Variants in FANCL observed in about 807,000 individuals in gnomAD.
The protein encoded by FANCL is E3 ubiquitin-protein ligase FANCL.
A neutral mutation model predicts 59.4 loss-of-function variants in FANCL; 69 were observed. The observed-to-expected ratio is 1.16, with a 90% CI of 0.96 to 1.42. The LOEUF (loss-of-function observed/expected upper bound fraction) is 1.42. Among genes scored for constraint, FANCL ranks in the 40% most tolerant of loss-of-function variants. The pLI, the probability that FANCL is intolerant of heterozygous loss-of-function variation, is 0.00. For missense variants in FANCL, 519 were observed against 447.2 expected, an observed-to-expected ratio of 1.16 and a Z score of -1.45; for synonymous variants, 180 against 147.1, an observed-to-expected ratio of 1.22 and a Z score of -1.62.
intron 5 of FANCL, among the ~76,000 whole-genome samples, chr2:58,221,439 A>G (rs919548321): frequency 2.6e-5 from 4 of 152,140 alleles, no homozygotes; most frequent in Non-Finnish European, 4.4e-5. Flanking sequence ...TCAGTTTTAA[A>G]AAAAAAATCA....
intron 8 of FANCL, 50 bp downstream of exon 8, chr2:58,165,674 A>T (rs1685856994): frequency 6.2e-7 from 1 of 1,605,588 alleles, no homozygotes. Flanking sequence ...TATTTTCATA[A>T]TACAAAATAA....
Position 58,222,028 on chromosome 2 carries a change from C to T in FANCL, c.288G>A (p.Lys96=). ...GTAGTGCATACAGCTCTTGTCTATT[C>T]TTTAAGGCAACTTCCTGTTTAAAAG... ...ELKMLLEVAL[K]NRQELYALPP... The change falls in exon 5 of 14, where the codon AAG becomes AAA. Residue 96 remains lysine (K), a synonymous_variant. Transcript: ENST00000233741. 6.2e-7 allele frequency: 1 copy of T among 1,612,942 alleles called. No homozygotes were observed. Among genetic ancestry groups the T allele is most frequent in the Non-Finnish European group, 8.5e-7 (1 of 1,179,140 alleles).
intron 7 of FANCL, among the ~76,000 whole-genome samples, chr2:58,181,368 A>C (rs370733383): frequency 3.9e-5 from 6 of 152,160 alleles, no homozygotes; most frequent in African/African-American, 1.4e-4. Flanking sequence ...GGTGGAAAAC[A>C]ATCAAAATAA....
intron 7 of FANCL, among the ~76,000 whole-genome samples, chr2:58,172,980 C>G (rs1020453868): frequency 6.6e-6 from 1 of 152,070 alleles, no homozygotes; most frequent in African/African-American, 2.4e-5. Flanking sequence ...TTGAGAACTA[C>G]GTGAAGAATA....
chr2:58,185,043 G>A (rs1688271458), intron 7 of FANCL, among the ~76,000 whole-genome samples: 1 of 152,014 alleles, frequency 6.6e-6, no homozygotes, highest in Non-Finnish European at 1.5e-5. Context: ...GGCCAAACAA[G>A]AGAAACTAGA....
At chr2:58,166,071 G>T (rs1685922426) in intron 7 of FANCL, among the ~76,000 whole-genome samples, 197 bp from the exon 8 acceptor site, 1 of 152,054 alleles carries the variant, frequency 6.6e-6, no homozygotes. Context: ...TTTATTGACA[G>T]TAGACTATAC....
intron 7 of FANCL, among the ~76,000 whole-genome samples, chr2:58,168,824 T>C (rs1686229826): frequency 6.6e-6 from 1 of 152,058 alleles, no homozygotes; most frequent in Non-Finnish European, 1.5e-5. Flanking sequence ...GTGTATACAA[T>C]GCCACGAGGA....
chr2:58,201,724 G>C (rs1690042931), intron 6 of FANCL, among the ~76,000 whole-genome samples: 1 of 151,844 alleles, frequency 6.6e-6, no homozygotes, highest in Admixed American at 6.6e-5. Flanking sequence ...AATTTATCTG[G>C]TTTACTTCTA....
intron 7 of FANCL, among the ~76,000 whole-genome samples, chr2:58,185,567 G>A (rs1688318704): frequency 6.6e-6 from 1 of 152,144 alleles, no homozygotes; most frequent in Non-Finnish European, 1.5e-5. Flanking sequence ...TAACACTGAA[G>A]CACCATCAGT....
Position 58,159,459 on chromosome 2 carries a change from G to T in FANCL, c.*306C>A. The T allele has an allele frequency of 6.2e-7, 1 of 1,613,534 alleles. No homozygotes were observed. Among genetic ancestry groups the T allele is most frequent in the Admixed American group, 1.7e-5 (1 of 59,950 alleles). ...CACAATTCCCAAACTCATTTTATGA[G>T]CCTCATCAAGATTTTACCAGTCCAG... On this transcript the variant is annotated 3_prime_UTR_variant, in exon 14 of 14. Transcript: ENST00000233741.
At chr2:58,235,426 GACTA>G (rs1455452246) in intron 1 of FANCL, among the ~76,000 whole-genome samples, 8 of 152,130 alleles carry the variant, frequency 5.3e-5, no homozygotes, top group African/African-American at 1.7e-4. Context: ...CACTTGTAGA[GACTA>G]ACTACCTTAG....
At chr2:58,172,541 C>G (rs1195864967) in intron 7 of FANCL, among the ~76,000 whole-genome samples, 2 of 152,202 alleles carry the variant, frequency 1.3e-5, no homozygotes, top group African/African-American at 4.8e-5. Flanking sequence ...AGCTGAGGGT[C>G]TCTGTTAACA....
chr2:58,185,974 C>G (rs991747079), intron 7 of FANCL, among the ~76,000 whole-genome samples: 10 of 152,108 alleles, frequency 6.6e-5, no homozygotes, highest in Admixed American at 1.3e-4. Flanking sequence ...ATTCTGCAAA[C>G]TAGGTACAAG....
intron 3 of FANCL, among the ~76,000 whole-genome samples, chr2:58,228,663 C>T (rs1486916387): frequency 6.6e-6 from 1 of 152,142 alleles, no homozygotes; most frequent in Non-Finnish European, 1.5e-5. Context: ...TCTGTTGACT[C>T]CCTGGCCCAT....
chr2:58,234,463 T>C (rs1038355485), intron 1 of FANCL, among the ~76,000 whole-genome samples: 1 of 148,784 alleles, frequency 6.7e-6, no homozygotes, highest in Non-Finnish European at 1.5e-5. Flanking sequence ...AATTACCAAA[T>C]GAGAAAAAAA....
intron 11 of FANCL, 151 bp downstream of exon 11, chr2:58,162,715 A>AAGGTAAAC (rs1685388449): frequency 1.4e-6 from 1 of 702,854 alleles, no homozygotes; most frequent in Non-Finnish European, 2.4e-6. Context: ...CAACCAATCA[A>AAGGTAAAC]AGGTAAACAA....
intron 5 of FANCL, 117 bp downstream of exon 5, chr2:58,221,825 T>G: frequency 2.8e-6 from 2 of 709,198 alleles, no homozygotes; most frequent in Non-Finnish European, 4.9e-6. Flanking sequence ...GATCAAATAC[T>G]CTAGTTACAA....
At chr2:58,193,519 A>G (rs774751115) in intron 7 of FANCL, among the ~76,000 whole-genome samples, 15 of 152,124 alleles carry the variant, frequency 9.9e-5, no homozygotes. Flanking sequence ...TTTTTCTACC[A>G]TATCACATAA....
intron 3 of FANCL, among the ~76,000 whole-genome samples, chr2:58,229,234 C>T (rs1408946522): frequency 6.6e-6 from 1 of 152,004 alleles, no homozygotes; most frequent in African/African-American, 2.4e-5. Flanking sequence ...AACTATTTTT[C>T]TAAAAGAAGA....
Sources: allele counts gnomAD v4.1 joint callset (sites outside exome capture counted in the v4.1 genomes callset), GRCh38; gene constraint gnomAD v4.1.1; transcripts MANE v1.5; gene names NCBI Gene and HGNC (gene_info 2026-07-23, HGNC 2026-07-21).